The following PCDHGC3 variants were observed in gnomAD, a reference collection of about 807,000 sequenced individuals.
The protein encoded by PCDHGC3 is protocadherin gamma subfamily C, 3, also known as protocadherin gamma-C3.
PCDHGC3 carries 26 observed loss-of-function variants against 59.2 expected under a neutral mutation model. The ratio of observed to expected loss-of-function variants is 0.44; its 90% confidence interval spans 0.32 to 0.61. PCDHGC3 has a LOEUF of 0.61. Ranked by LOEUF, PCDHGC3 falls within the 20% of genes least tolerant of loss-of-function variation. The probability of loss-of-function intolerance (pLI) is 0.05; values close to 1 mark genes in which losing one functional copy is unlikely to be tolerated. For synonymous variants in PCDHGC3, 487 were observed against 519.7 expected (o/e 0.94, Z 0.86); for missense variants, 1,080 against 1,221.8 (o/e 0.88, Z 1.73).
rs951964805 is a variant in PCDHGC3, at chr5:141,512,109, C to A, written c.*936C>A. The A allele has an allele frequency of 1.0e-4, 16 of 152,656 alleles. No individual in the cohort carries two copies. The highest frequency in any genetic ancestry group is 1.5e-5 in the Non-Finnish European group (1 of 68,058). 9.5% of individuals were successfully genotyped at this position (152,656 alleles called of 1,614,324 possible). Reference sequence around the variant, plus strand: ...ACCAATAACTAGGCTGGACCCTTCCCACTACATAATAGGGCTCAGCCCAGG... The same window carrying A: ...ACCAATAACTAGGCTGGACCCTTCCAACTACATAATAGGGCTCAGCCCAGG... On this transcript the variant is annotated 3_prime_UTR_variant, in exon 4 of 4. Coordinates refer to ENST00000308177, the MANE Select transcript of PCDHGC3 (RefSeq NM_002588.4).
chr5:141,503,598 CAAAAAAAAAA>C (rs765754054), intron 2 of PCDHGC3, among the ~76,000 whole-genome samples: 1 of 65,762 alleles, frequency 1.5e-5, no homozygotes. Context: ...GACTCCAGCT[CAAAAAAAAAA>C]AAAAAAGAAA....
rs759647406 is a variant in PCDHGC3 at position 141,493,849 on chromosome 5, A to G, written c.2431-958A>G. Among the ~76,000 whole-genome samples the G allele has an allele frequency of 6.6e-6, 1 of 152,178 alleles. No individual in the cohort carries two copies. The highest frequency in any genetic ancestry group is 1.5e-5 in the Non-Finnish European group (1 of 68,028). ...CTGGGAGCAAGTATGAGTATTAATT[A>G]CCAGCCCACCCCAGAACCAGTGAGG... On this transcript the variant is annotated intron_variant, in intron 1 of 3. Coordinates refer to ENST00000308177, the MANE Select transcript of PCDHGC3 (RefSeq NM_002588.4). The surrounding 1 kb of genome is among the most constrained non-coding windows in gnomAD (Gnocchi z 4.3).
Position 141,477,388 on chromosome 5 carries a change from C to T in PCDHGC3, c.1272C>T (p.Asn424=). The T allele has an allele frequency of 6.2e-7, 1 of 1,614,136 alleles. No homozygotes were observed. The highest frequency in any genetic ancestry group is 8.5e-7 in the Non-Finnish European group (1 of 1,180,014). The change falls in exon 1 of 4, where the codon AAC becomes AAT. Residue 424 remains asparagine (N), a synonymous_variant. Transcript: ENST00000308177. The surrounding 1 kb of genome is among the most constrained non-coding windows in gnomAD (Gnocchi z 4.9). Reference sequence around the variant, plus strand: ...ATCGGGAGACTGTGCCAGAATACAACCTCAGCATCACCGCCCGAGACGCCG... The same window carrying T: ...ATCGGGAGACTGTGCCAGAATACAATCTCAGCATCACCGCCCGAGACGCCG... ...DLDRETVPEY[N]LSITARDAGT... is the part of the protein sequence containing the mutation.
chr5:141,496,234 T>C (rs2154591884), intron 2 of PCDHGC3, among the ~76,000 whole-genome samples: 1 of 152,232 alleles, frequency 6.6e-6, no homozygotes, highest in Middle Eastern at 3.4e-3. Context: ...AGGAACCCCC[T>C]GCGGGCTGAA....
In PCDHGC3 at chr5:141,476,343, T is replaced by A; in HGVS notation, c.227T>A (p.Phe76Tyr). 1 of 1,614,012 alleles carries A rather than the reference T, an allele frequency of 6.2e-7. No individual in the cohort carries two copies. The highest frequency in any genetic ancestry group is 1.3e-5 in the African/African-American group (1 of 74,984). ...FRVVSGASRRFFEVNRETGEM... is the reference protein window; with the variant it reads ...FRVVSGASRRYFEVNRETGEM... ...GTGGTGTCTGGAGCTAGCCGAAGAT[T>A]CTTTGAGGTGAACCGGGAGACCGGA... Residue 76 changes from phenylalanine (F) to tyrosine (Y), a missense_variant, in exon 1 of 4, where the codon TTC (phenylalanine) becomes TAC (tyrosine). Phe to Tyr is a conservative substitution (Grantham distance 22). Transcript: ENST00000308177. This position sits in a 1 kb window ranked among gnomAD's most constrained non-coding sequence, Gnocchi z 7.6.
rs201409669 is a variant in PCDHGC3 at position 141,490,703 on chromosome 5, G to A, written c.2431-4104G>A. The stretch of plus-strand genomic sequence containing the variant: ...GATCCAGACACTGGGGATAATGCCC[G>A]CCTCACCTACTCCATTGTAGGAAAT... On this transcript the variant is annotated intron_variant, in intron 1 of 3. Coordinates refer to ENST00000308177, the MANE Select transcript of PCDHGC3 (RefSeq NM_002588.4). This position sits in a 1 kb window ranked among gnomAD's most constrained non-coding sequence, Gnocchi z 5.4. 2.6e-4 allele frequency: 421 copies of A among 1,614,106 alleles called. No homozygotes were observed. Among genetic ancestry groups the A allele is most frequent in the Middle Eastern group, 6.6e-4 (4 of 6,062 alleles).
At position 141,486,134 on chromosome 5, in the gene PCDHGC3, C is replaced by T; in HGVS notation, c.2430+7588C>T. 6.2e-7 allele frequency: 1 copy of T among 1,614,168 alleles called. No homozygotes were observed. ...TGAGAATTACTATGAATTTGATGTG[C>T]GGGCTCGCGATGGGGGTTCTCCAGC... On this transcript the variant is annotated intron_variant, in intron 1 of 3. Coordinates refer to ENST00000308177, the MANE Select transcript of PCDHGC3 (RefSeq NM_002588.4). The surrounding 1 kb of genome is among the most constrained non-coding windows in gnomAD (Gnocchi z 5.0).
Position 141,487,106 on chromosome 5 carries a change from A to G in PCDHGC3, c.2431-7701A>G, listed in dbSNP as rs777727830. ...TGACCTCCCACCACAGAAGCTGGTC[A>G]TTGTGGTAAAGGATAGTGGTAGTCC... On this transcript the variant is annotated intron_variant, in intron 1 of 3. Transcript: ENST00000308177. The surrounding 1 kb of genome is among the most constrained non-coding windows in gnomAD (Gnocchi z 5.0). 1 of 1,613,902 alleles carries G rather than the reference A, an allele frequency of 6.2e-7. No individual in the cohort carries two copies. The highest frequency in any genetic ancestry group is 1.3e-5 in the African/African-American group (1 of 75,028).
At position 141,489,384 on chromosome 5, in the gene PCDHGC3, T is replaced by G; in HGVS notation, c.2431-5423T>G. The G allele has an allele frequency of 6.2e-7, 1 of 1,613,986 alleles. No individual in the cohort carries two copies. The highest frequency in any genetic ancestry group is 1.3e-5 in the African/African-American group (1 of 75,042). On this transcript the variant is annotated intron_variant, in intron 1 of 3. Transcript: ENST00000308177. This position sits in a 1 kb window ranked among gnomAD's most constrained non-coding sequence, Gnocchi z 4.5. ...AGCCGGGGACGCTGGTGGGGAATGT[T>G]GCTCAGGATCTGGGCTTAAAGATGA...
intron 1 of PCDHGC3, among the ~76,000 whole-genome samples, chr5:141,481,886 C>T (rs575190135): frequency 6.9e-6 from 1 of 145,360 alleles, no homozygotes; most frequent in South Asian, 2.2e-4. Context: ...TGCACTCCAG[C>T]CTGGGTGAAA....
intron 2 of PCDHGC3, among the ~76,000 whole-genome samples, chr5:141,502,517 G>A (rs1333510345): frequency 1.3e-5 from 2 of 152,128 alleles, no homozygotes; most frequent in Admixed American, 6.6e-5. Flanking sequence ...CCCACTATCA[G>A]TGATGCCGAG....
At chr5:141,478,963 A>G (rs193236728) in intron 1 of PCDHGC3, among the ~76,000 whole-genome samples, 5 of 152,322 alleles carry the variant, frequency 3.3e-5, no homozygotes, top group East Asian at 1.9e-4. Context: ...TCATTCCTCC[A>G]CCTTTCAAGT....
intron 1 of PCDHGC3, among the ~76,000 whole-genome samples, chr5:141,492,490 G>C (rs2099741140): frequency 6.6e-6 from 1 of 152,208 alleles, no homozygotes; most frequent in Non-Finnish European, 1.5e-5. Context: ...CCAGGACCAG[G>C]CGAGGACTCC....
Position 141,511,309 on chromosome 5 carries a change from G to C in PCDHGC3, c.*136G>C. The stretch of plus-strand genomic sequence containing the variant: ...GGGGCCAAGGCCATGCTCCCCTTGG[G>C]AAACAGAAACAAGTGCCCAGTCAGC... On this transcript the variant is annotated 3_prime_UTR_variant, in exon 4 of 4. Coordinates refer to ENST00000308177, the MANE Select transcript of PCDHGC3 (RefSeq NM_002588.4). 4.0e-6 allele frequency: 6 copies of C among 1,485,470 alleles called. No homozygotes were observed. Among genetic ancestry groups the C allele is most frequent in the Non-Finnish European group, 4.5e-6 (5 of 1,113,432 alleles). 92.0% of individuals were successfully genotyped at this position (1,485,470 alleles called of 1,614,324 possible).
rs1426305491 is a variant in PCDHGC3 at position 141,489,758 on chromosome 5, G to A, written c.2431-5049G>A. 1 of 1,614,084 alleles carries A rather than the reference G, an allele frequency of 6.2e-7. No homozygotes were observed. The highest frequency in any genetic ancestry group is 1.7e-5 in the Admixed American group (1 of 60,020). On this transcript the variant is annotated intron_variant, in intron 1 of 3. Coordinates refer to ENST00000308177, the MANE Select transcript of PCDHGC3 (RefSeq NM_002588.4). The surrounding 1 kb of genome is among the most constrained non-coding windows in gnomAD (Gnocchi z 4.5). ...AATACTGTGAGCTTTTACACTCTAAGCCCCAACAGCCACTTCTCTCTGAAT... is the reference window on the plus strand; with the variant it reads ...AATACTGTGAGCTTTTACACTCTAAACCCCAACAGCCACTTCTCTCTGAAT...
chr5:141,484,944 AG>A (rs1354711871), intron 1 of PCDHGC3: 1 of 546,450 alleles, frequency 1.8e-6, no homozygotes, highest in Non-Finnish European at 3.3e-6. Context: ...TTCTCTGCTC[AG>A]CCTATTGGCT....
rs1236961370 is a variant in PCDHGC3, at chr5:141,512,621, C to T, written c.*1448C>T. 1 of 152,964 alleles carries T rather than the reference C, an allele frequency of 6.5e-6. No homozygotes were observed. The highest frequency in any genetic ancestry group is 1.5e-5 in the Non-Finnish European group (1 of 68,612). 9.5% of individuals were successfully genotyped at this position (152,964 alleles called of 1,614,324 possible). A position where few individuals can be genotyped will look rare whatever the true frequency, so the allele number is the denominator to read the frequency against. Reference sequence around the variant, plus strand: ...CCATCCAGCGGGGCTGCCAGAGAACCCCAGACCTGCCCTTACAGTAGTGTA... The same window carrying T: ...CCATCCAGCGGGGCTGCCAGAGAACTCCAGACCTGCCCTTACAGTAGTGTA... On this transcript the variant is annotated 3_prime_UTR_variant, in exon 4 of 4. Coordinates refer to ENST00000308177, the MANE Select transcript of PCDHGC3 (RefSeq NM_002588.4).
chr5:141,492,360 G>A (rs2099739696), intron 1 of PCDHGC3, among the ~76,000 whole-genome samples: 1 of 152,190 alleles, frequency 6.6e-6, no homozygotes, highest in African/African-American at 2.4e-5. Context: ...CCACTCGCTC[G>A]CGGCCAGATT....
chr5:141,476,036 A>G lies in PCDHGC3; in HGVS notation c.-81A>G. The G allele has an allele frequency of 1.4e-6, 2 of 1,471,164 alleles. No individual in the cohort carries two copies. Among genetic ancestry groups the G allele is most frequent in the Non-Finnish European group, 1.8e-6 (2 of 1,106,602 alleles). 91.1% of individuals were successfully genotyped at this position (1,471,164 alleles called of 1,614,324 possible). ...ATGTCGGACTCGGCGCCCAGCGCCCAAGCGCTAACCCGCTGAAAGTTTCTC... is the reference window on the plus strand; with the variant it reads ...ATGTCGGACTCGGCGCCCAGCGCCCGAGCGCTAACCCGCTGAAAGTTTCTC... On this transcript the variant is annotated 5_prime_UTR_variant, in exon 1 of 4. Transcript: ENST00000308177. The surrounding 1 kb of genome is among the most constrained non-coding windows in gnomAD (Gnocchi z 7.6).
Sources: allele counts gnomAD v4.1 joint callset (sites outside exome capture counted in the v4.1 genomes callset), GRCh38; gene constraint gnomAD v4.1.1; non-coding constraint Gnocchi (gnomAD v3.1); transcripts MANE v1.5; gene names NCBI Gene and HGNC (gene_info 2026-07-23, HGNC 2026-07-21).